CTNNA3: variants seen among roughly 807,000 people sequenced by gnomAD.
CTNNA3 encodes the protein catenin alpha 3.
Under a neutral mutation model 95.7 loss-of-function variants are expected in CTNNA3, and 76 were observed. The observed-to-expected ratio is 0.79, with a 90% confidence interval of 0.66 to 0.96. CTNNA3 has a LOEUF of 0.96. CTNNA3 is among the 40% of genes least tolerant of loss of function. CTNNA3 has a pLI of 0.00. For synonymous variants in CTNNA3, 431 were observed against 374.4 expected (o/e 1.15, Z -1.74); for missense variants, 1,191 against 1,089.8 (o/e 1.09, Z -1.31).
intron 13 of CTNNA3, among the ~76,000 whole-genome samples, chr10:66,256,532 C>T (rs1040714329): frequency 6.6e-6 from 1 of 151,970 alleles, no homozygotes; most frequent in African/African-American, 2.4e-5. Context: ...CCAGCCTGGC[C>T]AACATGGAGA....
chr10:67,536,741 G>A (rs1057387235), intron 4 of CTNNA3, among the ~76,000 whole-genome samples: 16 of 152,190 alleles, frequency 1.1e-4, no homozygotes, highest in East Asian at 3.9e-4. Flanking sequence ...ATTTTAACGC[G>A]CTAATGTGCA....
At chr10:66,219,271 G>T (rs1287368526) in intron 13 of CTNNA3, among the ~76,000 whole-genome samples, 1 of 152,166 alleles carries the variant, frequency 6.6e-6, no homozygotes, top group Non-Finnish European at 1.5e-5. Flanking sequence ...TGTTTTCAGT[G>T]TGGGAGGGAT....
At chr10:66,058,832 G>C (rs2080136925) in intron 15 of CTNNA3, among the ~76,000 whole-genome samples, 1 of 152,150 alleles carries the variant, frequency 6.6e-6, no homozygotes, top group South Asian at 2.1e-4. Context: ...GTGATATTAA[G>C]TAACAGGATG....
At chr10:67,726,000 T>G (rs1481964436) in intron 1 of CTNNA3, among the ~76,000 whole-genome samples, 1 of 137,518 alleles carries the variant, frequency 7.3e-6, no homozygotes, top group African/African-American at 2.7e-5. Flanking sequence ...ATATTATATA[T>G]TATATATCTA....
At chr10:66,298,932 A>C (rs2091822274) in intron 12 of CTNNA3, among the ~76,000 whole-genome samples, 1 of 152,194 alleles carries the variant, frequency 6.6e-6, no homozygotes, top group Admixed American at 6.5e-5. Flanking sequence ...GGAACTGCTT[A>C]GGGCCAACCT....
intron 1 of CTNNA3, among the ~76,000 whole-genome samples, chr10:67,691,194 C>T (rs575026893): frequency 9.8e-5 from 15 of 152,322 alleles, no homozygotes; most frequent in East Asian, 7.7e-4. Context: ...TCACTCAGTG[C>T]TCAATGGTGC....
chr10:67,405,722 C>A (rs1777060552), intron 5 of CTNNA3, among the ~76,000 whole-genome samples: 1 of 152,142 alleles, frequency 6.6e-6, no homozygotes, highest in African/African-American at 2.4e-5. Context: ...ATCTATAGAA[C>A]TCTACACCCC....
intron 1 of CTNNA3, among the ~76,000 whole-genome samples, chr10:67,655,758 G>A (rs1326873073): frequency 2.7e-5 from 4 of 146,924 alleles, no homozygotes; most frequent in Admixed American, 6.9e-5. Flanking sequence ...TTAGAAGATC[G>A]TGAAACAGAG....
At chr10:66,483,790 C>G (rs1839626734) in intron 11 of CTNNA3, among the ~76,000 whole-genome samples, 1 of 152,066 alleles carries the variant, frequency 6.6e-6, no homozygotes, top group Non-Finnish European at 1.5e-5. Flanking sequence ...CCCACTCACC[C>G]TTAGAAATCG....
At chr10:67,590,463 G>A (rs766348268) in intron 3 of CTNNA3, among the ~76,000 whole-genome samples, 3 of 152,040 alleles carry the variant, frequency 2.0e-5, no homozygotes, top group Non-Finnish European at 4.4e-5. Context: ...TTTGACAAAC[G>A]TGACATACCA....
chr10:66,489,655 C>T lies in CTNNA3; in HGVS notation c.1531+30962G>A, dbSNP rs983141588. On this transcript the variant is annotated intron_variant, in intron 11 of 17. Coordinates refer to ENST00000433211, the MANE Select transcript of CTNNA3 (RefSeq NM_013266.4). Reference sequence around the variant, plus strand: ...AAAGAAGCTTCCTAAATGAAGCCTTCCCTCTCCTTTACTCTTTCATGAGGC... The same window carrying T: ...AAAGAAGCTTCCTAAATGAAGCCTTTCCTCTCCTTTACTCTTTCATGAGGC... 1.2e-4 allele frequency among the ~76,000 whole-genome samples: 18 copies of T among 152,248 alleles called. No individual in the cohort carries two copies. In the South Asian group the frequency reaches 1.7e-3, roughly 14 times the overall value.
intron 4 of CTNNA3, among the ~76,000 whole-genome samples, chr10:67,539,133 C>A (rs7903964): frequency 0.2 from 30,131 of 152,082 alleles, 4,966 homozygotes; most frequent in African/African-American, 0.46. Context: ...CAAATGTCTT[C>A]AACTTTAAGG....
At chr10:66,035,016 C>G (rs1199016923) in intron 15 of CTNNA3, among the ~76,000 whole-genome samples, 1 of 152,110 alleles carries the variant, frequency 6.6e-6, no homozygotes, top group Non-Finnish European at 1.5e-5. Flanking sequence ...CCACATTTGA[C>G]CAGCGTGCAG....
At position 66,235,699 on chromosome 10, in the gene CTNNA3, G is replaced by A. The variant is rs529008295; in HGVS notation, c.1884+44771C>T. Among the ~76,000 whole-genome samples, 7 of 152,150 alleles carry A rather than the reference G, an allele frequency of 4.6e-5. No homozygotes were observed. The East Asian group carries it at 7.7e-4, about 17-fold the overall frequency. On this transcript the variant is annotated intron_variant, in intron 13 of 17. Coordinates refer to ENST00000433211, the MANE Select transcript of CTNNA3 (RefSeq NM_013266.4). Reference sequence around the variant, plus strand: ...AGCAAGTAAATAAGAAAATAGATCCGCCATGAACATATCCGATATTGGAGT... The same window carrying A: ...AGCAAGTAAATAAGAAAATAGATCCACCATGAACATATCCGATATTGGAGT...
At chr10:67,191,755 CA>C (rs1488168054) in intron 6 of CTNNA3, among the ~76,000 whole-genome samples, 1 of 151,796 alleles carries the variant, frequency 6.6e-6, no homozygotes, top group East Asian at 1.9e-4. Context: ...ACAATCCTAA[CA>C]TTCATATAAA....
At chr10:67,111,671 T>C (rs997597166) in intron 7 of CTNNA3, among the ~76,000 whole-genome samples, 5 of 151,944 alleles carry the variant, frequency 3.3e-5, no homozygotes, top group African/African-American at 9.7e-5. Flanking sequence ...ATACTTAATA[T>C]AATATTATTA....
At chr10:67,392,124 C>T (rs1844521790) in intron 5 of CTNNA3, among the ~76,000 whole-genome samples, 1 of 152,090 alleles carries the variant, frequency 6.6e-6, no homozygotes, top group South Asian at 2.1e-4. Context: ...AGGCAACCTA[C>T]AAAATGGGAG....
At chr10:67,290,369 T>C (rs1252837964) in intron 5 of CTNNA3, among the ~76,000 whole-genome samples, 1 of 152,192 alleles carries the variant, frequency 6.6e-6, no homozygotes, top group Non-Finnish European at 1.5e-5. Context: ...TGCATGACTG[T>C]CTTGTATTAT....
intron 5 of CTNNA3, among the ~76,000 whole-genome samples, chr10:67,337,101 T>C (rs1391854948): frequency 6.6e-6 from 1 of 152,180 alleles, no homozygotes; most frequent in Non-Finnish European, 1.5e-5. Context: ...CTGTCATAGA[T>C]AGTAATTCCT....
Sources: allele counts gnomAD v4.1 joint callset (sites outside exome capture counted in the v4.1 genomes callset), GRCh38; gene constraint gnomAD v4.1.1; transcripts MANE v1.5; gene names NCBI Gene and HGNC (gene_info 2026-07-23, HGNC 2026-07-21).